ATE1: variants seen among roughly 807,000 people sequenced by gnomAD.
ATE1 encodes the protein arginyltransferase 1.
A neutral mutation model predicts 70.5 loss-of-function variants in ATE1; 36 were observed. That is an observed-to-expected ratio of 0.51 (90% CI 0.39 to 0.67). The LOEUF is 0.67. Ranked by LOEUF, ATE1 falls within the 30% of genes least tolerant of loss-of-function variation. The probability of loss-of-function intolerance (pLI) is 0.00; values close to 1 mark genes in which losing one functional copy is unlikely to be tolerated. For synonymous variants in ATE1, 232 were observed against 219.3 expected (o/e 1.06, Z -0.51); for missense variants, 593 against 629.5 (o/e 0.94, Z 0.62).
chr10:121,869,999 C>G lies in ATE1; in HGVS notation c.975+7G>C. On this transcript the variant is annotated splice_region_variant and intron_variant, in intron 8 of 11. Transcript: ENST00000224652. ...TTCTAATATTAAGGTCAGTGAGTAA[C>G]TCTTACCTCCAAGGGTGAACTGCAA... is the stretch of plus-strand genomic sequence containing the variant. 5 of 1,605,294 alleles carry G rather than the reference C, an allele frequency of 3.1e-6. No individual in the cohort carries two copies. Among genetic ancestry groups the G allele is most frequent in the Non-Finnish European group, 3.4e-6 (4 of 1,172,628 alleles).
intron 5 of ATE1, among the ~76,000 whole-genome samples, chr10:121,907,842 T>TA (rs1480565143): frequency 2.6e-5 from 4 of 151,648 alleles, no homozygotes; most frequent in African/African-American, 9.7e-5. Flanking sequence ...CATAACCTCA[T>TA]AAGTCTATTT....
intron 8 of ATE1, among the ~76,000 whole-genome samples, chr10:121,860,623 A>G (rs1441490027): frequency 2.0e-5 from 3 of 152,264 alleles, no homozygotes; most frequent in East Asian, 1.9e-4. Flanking sequence ...AATGTTTTTA[A>G]TAAGTTGGAC....
intron 5 of ATE1, among the ~76,000 whole-genome samples, chr10:121,907,408 T>C (rs984151609): frequency 1.3e-5 from 2 of 151,766 alleles, no homozygotes; most frequent in Non-Finnish European, 2.9e-5. Context: ...GAGGTTGCAG[T>C]GAGCTGAGAT....
At chr10:121,794,661 T>TAAAAA (rs374044559) in intron 10 of ATE1, among the ~76,000 whole-genome samples, 19 of 65,700 alleles carry the variant, frequency 2.9e-4, no homozygotes, top group African/African-American at 8.3e-4. Flanking sequence ...GAATGTCTGG[T>TAAAAA]AAAAAAAAAA....
intron 11 of ATE1, among the ~76,000 whole-genome samples, chr10:121,774,916 T>C (rs1945672206): frequency 6.6e-6 from 1 of 152,198 alleles, no homozygotes; most frequent in African/African-American, 2.4e-5. Context: ...TCTTTGACTA[T>C]ATTACAAAAT....
intron 11 of ATE1, among the ~76,000 whole-genome samples, chr10:121,755,667 T>TC (rs1944769948): frequency 6.6e-6 from 1 of 152,148 alleles, no homozygotes; most frequent in Non-Finnish European, 1.5e-5. Flanking sequence ...AGGAGCAAAG[T>TC]CATGTCTTAC....
At chr10:121,775,326 G>C (rs1945689798) in intron 11 of ATE1, among the ~76,000 whole-genome samples, 1 of 152,002 alleles carries the variant, frequency 6.6e-6, no homozygotes, top group East Asian at 1.9e-4. Context: ...AGAGTGGGGG[G>C]CAAGGGGAGG....
chr10:121,799,665 T>C (rs1946800219), intron 10 of ATE1, among the ~76,000 whole-genome samples: 1 of 152,232 alleles, frequency 6.6e-6, no homozygotes, highest in African/African-American at 2.4e-5. Context: ...AGATTAGTTA[T>C]AAAGAGTAAC....
At chr10:121,859,309 T>C (rs997809200) in intron 8 of ATE1, among the ~76,000 whole-genome samples, 1 of 150,428 alleles carries the variant, frequency 6.6e-6, no homozygotes, top group Non-Finnish European at 1.5e-5. Flanking sequence ...CAGGCTGGAG[T>C]GCAGTGGCGG....
At chr10:121,841,287 C>T (rs1204831766) in intron 8 of ATE1, 24 bp from the exon 9 acceptor site, 1 of 1,375,338 alleles carries the variant, frequency 7.3e-7, no homozygotes, top group Non-Finnish European at 9.5e-7. Flanking sequence ...GAGGCACAAA[C>T]AGCCATTTTT....
intron 2 of ATE1, 64 bp downstream of exon 2, chr10:121,924,202 G>T: frequency 1.4e-6 from 2 of 1,449,748 alleles, no homozygotes; most frequent in Non-Finnish European, 1.9e-6. Context: ...CATTTCAAAG[G>T]CATGCTGTAT....
chr10:121,862,869 C>G (rs1037742145), intron 8 of ATE1, among the ~76,000 whole-genome samples: 1 of 152,068 alleles, frequency 6.6e-6, no homozygotes, highest in Non-Finnish European at 1.5e-5. Flanking sequence ...AAGACCATGG[C>G]AACACCCGGA....
At chr10:121,792,190 A>T (rs1044173108) in intron 10 of ATE1, among the ~76,000 whole-genome samples, 11 of 152,200 alleles carry the variant, frequency 7.2e-5, no homozygotes, top group African/African-American at 2.7e-4. Context: ...ATCTAGATAA[A>T]GGGAACGGCA....
chr10:121,839,133 G>A (rs554073530), intron 9 of ATE1, among the ~76,000 whole-genome samples: 55 of 152,254 alleles, frequency 3.6e-4, no homozygotes, highest in Non-Finnish European at 6.3e-4. Context: ...CAGAGCAGCC[G>A]CAACCATCCC....
At chr10:121,775,671 T>C (rs1375415699) in intron 11 of ATE1, among the ~76,000 whole-genome samples, 1 of 152,190 alleles carries the variant, frequency 6.6e-6, no homozygotes, top group Non-Finnish European at 1.5e-5. Context: ...AAAGTTGGCA[T>C]TTTATTTATT....
intron 8 of ATE1, among the ~76,000 whole-genome samples, chr10:121,869,050 G>C (rs1370604672): frequency 6.6e-6 from 1 of 152,240 alleles, no homozygotes; most frequent in Non-Finnish European, 1.5e-5. Flanking sequence ...GGAAGGACAA[G>C]TGCAAGGCAA....
At chr10:121,918,031 G>T (rs1397823206) in intron 3 of ATE1, among the ~76,000 whole-genome samples, 2 of 152,060 alleles carry the variant, frequency 1.3e-5, no homozygotes, top group Non-Finnish European at 2.9e-5. Context: ...TATGGAAAAT[G>T]ACTCCATAAA....
chr10:121,861,334 C>A (rs1949458871), intron 8 of ATE1, among the ~76,000 whole-genome samples: 1 of 151,966 alleles, frequency 6.6e-6, no homozygotes, highest in African/African-American at 2.4e-5. Flanking sequence ...TCTCAGAAAT[C>A]AACTTTGGTA....
At chr10:121,890,012 G>C (rs985639855) in intron 7 of ATE1, among the ~76,000 whole-genome samples, 2 of 152,154 alleles carry the variant, frequency 1.3e-5, no homozygotes, top group Non-Finnish European at 2.9e-5. Flanking sequence ...GTTCAAGAGA[G>C]AAAGATAAAG....
Sources: allele counts gnomAD v4.1 joint callset (sites outside exome capture counted in the v4.1 genomes callset), GRCh38; gene constraint gnomAD v4.1.1; transcripts MANE v1.5; gene names NCBI Gene and HGNC (gene_info 2026-07-23, HGNC 2026-07-21).